The following SLC24A2 variants were observed in gnomAD, a reference collection of about 807,000 sequenced individuals.
SLC24A2 encodes sodium/potassium/calcium exchanger 2.
In SLC24A2, 36 loss-of-function variants were observed where a neutral mutation model predicts 62.0. The ratio of observed to expected loss-of-function variants is 0.58; its 90% CI spans 0.44 to 0.77. The LOEUF (loss-of-function observed/expected upper bound fraction) is 0.77. Among genes scored for constraint, SLC24A2 ranks in the 30% least tolerant of loss-of-function variants. The pLI is 0.00. For synonymous variants in SLC24A2, 358 were observed against 294.0 expected (o/e 1.22, Z -2.23); for missense variants, 846 against 817.9 (o/e 1.03, Z -0.42).
At chr9:19,543,968 C>T (rs762433146) in intron 8 of SLC24A2, among the ~76,000 whole-genome samples, 9 of 152,214 alleles carry the variant, frequency 5.9e-5, no homozygotes, top group Non-Finnish European at 1.0e-4. Context: ...GCGCTGAGTT[C>T]AAGTCCTGGA....
intron 2 of SLC24A2, among the ~76,000 whole-genome samples, chr9:19,701,830 T>C (rs1820364455): frequency 6.6e-6 from 1 of 152,228 alleles, no homozygotes; most frequent in Admixed American, 6.5e-5. Flanking sequence ...TCCCACTTAA[T>C]TTAACTGAAT....
chr9:19,724,173 G>C (rs1386891406), intron 2 of SLC24A2, among the ~76,000 whole-genome samples: 1 of 152,166 alleles, frequency 6.6e-6, no homozygotes, highest in Non-Finnish European at 1.5e-5. Context: ...TTAAGAGCAA[G>C]TCCTTCTGGA....
chr9:19,578,160 C>G (rs1452822827), intron 5 of SLC24A2, among the ~76,000 whole-genome samples: 1 of 151,374 alleles, frequency 6.6e-6, no homozygotes, highest in African/African-American at 2.4e-5. Flanking sequence ...ATGGGTACAC[C>G]AAAATCTCAC....
chr9:19,651,865 T>C (rs1338283228), intron 2 of SLC24A2, among the ~76,000 whole-genome samples: 2 of 152,182 alleles, frequency 1.3e-5, no homozygotes, highest in Non-Finnish European at 2.9e-5. Flanking sequence ...CGCCGCAGGC[T>C]TCAGCAGCTG....
the SLC24A2 span, among the ~76,000 whole-genome samples, chr9:19,995,997 A>G: frequency 7.9e-5 from 12 of 152,240 alleles, no homozygotes; most frequent in Non-Finnish European, 1.3e-4. Flanking sequence ...GAGAACCACT[A>G]CTTTCAACCT....
intron 2 of SLC24A2, among the ~76,000 whole-genome samples, chr9:19,667,790 C>A (rs1389085298): frequency 6.6e-6 from 1 of 152,206 alleles, no homozygotes; most frequent in Non-Finnish European, 1.5e-5. Context: ...CTGTTCCATG[C>A]TGTCTGCAGC....
the SLC24A2 span, among the ~76,000 whole-genome samples, chr9:19,891,607 A>G: frequency 6.6e-6 from 1 of 152,132 alleles, no homozygotes; most frequent in Non-Finnish European, 1.5e-5. Flanking sequence ...TGGGCTTGGC[A>G]TAGTGACTCA....
the SLC24A2 span, among the ~76,000 whole-genome samples, chr9:20,254,166 G>C: frequency 2.6e-4 from 39 of 152,172 alleles, no homozygotes; most frequent in African/African-American, 8.2e-4. Flanking sequence ...CTCAATTGCA[G>C]AATGACTTTC....
the SLC24A2 span, among the ~76,000 whole-genome samples, chr9:20,139,733 G>A: frequency 6.6e-6 from 1 of 152,164 alleles, no homozygotes. Flanking sequence ...GCTCTCCTCT[G>A]CCCCTATCTG....
At chr9:19,801,467 C>G in the SLC24A2 span, among the ~76,000 whole-genome samples, 1 of 152,148 alleles carries the variant, frequency 6.6e-6, no homozygotes, top group Non-Finnish European at 1.5e-5. Context: ...CAGCTCGAGC[C>G]ATAACAAACA....
intron 2 of SLC24A2, among the ~76,000 whole-genome samples, chr9:19,642,893 G>T (rs1818541947): frequency 1.3e-5 from 2 of 150,556 alleles, no homozygotes. Context: ...TGTTAGCCAA[G>T]ATGGTCTCGA....
chr9:20,157,330 CA>C, the SLC24A2 span, among the ~76,000 whole-genome samples: 2 of 151,468 alleles, frequency 1.3e-5, no homozygotes, highest in African/African-American at 4.8e-5. Flanking sequence ...AAATTACCCA[CA>C]AGAAATAACA....
the SLC24A2 span, among the ~76,000 whole-genome samples, chr9:20,029,556 C>G: frequency 6.6e-6 from 1 of 152,164 alleles, no homozygotes; most frequent in South Asian, 2.1e-4. Flanking sequence ...AGTACTGATC[C>G]AAAGGTTGGA....
chr9:19,720,503 A>C lies in SLC24A2; in HGVS notation c.930+65434T>G, dbSNP rs185766731. 1.4e-4 allele frequency among the ~76,000 whole-genome samples: 22 copies of C among 152,330 alleles called. No individual in the cohort carries two copies. In the East Asian group the frequency reaches 3.1e-3, roughly 21 times the overall value. ...TTCAAGGTGGAATTTCACAGTGAACACACGGATTATGAGCCCTGAATGAAT... is the reference window on the plus strand; with the variant it reads ...TTCAAGGTGGAATTTCACAGTGAACCCACGGATTATGAGCCCTGAATGAAT... On this transcript the variant is annotated intron_variant, in intron 2 of 10. Coordinates refer to ENST00000341998, the MANE Select transcript of SLC24A2 (RefSeq NM_020344.4).
At chr9:19,835,233 C>A in the SLC24A2 span, among the ~76,000 whole-genome samples, 1 of 152,102 alleles carries the variant, frequency 6.6e-6, no homozygotes, top group African/African-American at 2.4e-5. Context: ...CAATACTAAC[C>A]TTAAATGTAA....
chr9:20,144,767 G>A, the SLC24A2 span, among the ~76,000 whole-genome samples: 1 of 151,924 alleles, frequency 6.6e-6, no homozygotes, highest in Non-Finnish European at 1.5e-5. Flanking sequence ...CATAAGAAAG[G>A]TTTGCCTCGT....
the SLC24A2 span, chr9:19,927,913 A>C: frequency 6.6e-6 from 1 of 152,388 alleles, no homozygotes; most frequent in African/African-American, 2.4e-5. Flanking sequence ...GCACTCCTGG[A>C]GCTCACAAAA....
chr9:20,175,766 T>C, the SLC24A2 span, among the ~76,000 whole-genome samples: 1 of 152,098 alleles, frequency 6.6e-6, no homozygotes, highest in South Asian at 2.1e-4. Flanking sequence ...TTAGTGATAA[T>C]CTAAGTAAAC....
chr9:19,690,042 A>C (rs924970545), intron 2 of SLC24A2, among the ~76,000 whole-genome samples: 1 of 152,150 alleles, frequency 6.6e-6, no homozygotes, highest in Non-Finnish European at 1.5e-5. Flanking sequence ...ATTTCCAGAC[A>C]GACACCAGCT....
Sources: allele counts gnomAD v4.1 joint callset (sites outside exome capture counted in the v4.1 genomes callset), GRCh38; gene constraint gnomAD v4.1.1; transcripts MANE v1.5; gene names NCBI Gene and HGNC (gene_info 2026-07-23, HGNC 2026-07-21).